LIMA1: variants seen among roughly 807,000 people sequenced by gnomAD.
The protein encoded by LIMA1 is LIM domain and actin binding 1, also known as LIM domain and actin-binding protein 1.
Under a neutral mutation model 62.6 loss-of-function variants are expected in LIMA1, and 52 were observed. The ratio of observed to expected loss-of-function variants is 0.83; its 90% CI spans 0.67 to 1.05. The LOEUF is 1.05. Among genes scored for constraint, LIMA1 ranks in the 50% least tolerant of loss-of-function variants. The pLI, the probability that LIMA1 is intolerant of heterozygous loss-of-function variation, is 0.00. For missense variants in LIMA1, 780 were observed against 902.2 expected (o/e 0.86, Z 1.74); for synonymous variants, 302 against 317.8 (o/e 0.95, Z 0.53).
rs1300849695 is a variant in LIMA1, at chr12:50,177,849, C to T, written c.1495G>A (p.Ala499Thr). 6.2e-7 allele frequency: 1 copy of T among 1,612,846 alleles called. No individual in the cohort carries two copies. The highest frequency in any genetic ancestry group is 8.5e-7 in the Non-Finnish European group (1 of 1,179,466). The change falls in exon 11 of 11, where the codon GCT becomes ACT. Residue 499 changes from alanine to threonine, a missense_variant. Physicochemically the swap from Ala to Thr is moderately conservative, Grantham distance 58 (BLOSUM62 0). Coordinates refer to ENST00000341247, the MANE Select transcript of LIMA1 (RefSeq NM_016357.5). ...HSPGVEDAPI[A>T]KVGVLAASME... is the part of the protein sequence containing the mutation. ...CTTGCAGCCAGGACACCCACCTTAG[C>T]AATAGGGGCATCTTCTACCCCTGGG...
At chr12:50,224,302 T>C (rs917787826) in intron 3 of LIMA1, 5 of 152,174 alleles carry the variant, frequency 3.3e-5, no homozygotes, top group African/African-American at 1.2e-4. Context: ...CTTCATCAAG[T>C]AGAAATAAGG....
At chr12:50,280,142 G>GTTTTTTTTT (rs1377385556) in intron 1 of LIMA1, among the ~76,000 whole-genome samples, 1 of 95,824 alleles carries the variant, frequency 1.0e-5, no homozygotes, top group Non-Finnish European at 2.2e-5. Flanking sequence ...CAGGGTAGTA[G>GTTTTTTTTT]TATTTTTTTT....
chr12:50,194,643 C>T (rs184710601), intron 8 of LIMA1, among the ~76,000 whole-genome samples: 13 of 152,082 alleles, frequency 8.5e-5, no homozygotes, highest in East Asian at 3.9e-4. Flanking sequence ...GGCTCACGCC[C>T]GTAATCTCAA....
chr12:50,267,391 T>TC (rs1942152408), intron 1 of LIMA1, among the ~76,000 whole-genome samples: 1 of 149,932 alleles, frequency 6.7e-6, no homozygotes, highest in Non-Finnish European at 1.5e-5. Context: ...AATTTTTGTA[T>TC]TTTTTTTTAG....
chr12:50,222,444 C>T lies in LIMA1; in HGVS notation c.207G>A (p.Leu69=), dbSNP rs779273152. ...NLSQHFRKGT[L]TVLKKKWENP... Reference sequence around the variant, plus strand: ...TCTCCCACTTCTTCTTTAACACAGTCAGGGTCCCCTTTCTAAAGTGCTGGG... The same window carrying T: ...TCTCCCACTTCTTCTTTAACACAGTTAGGGTCCCCTTTCTAAAGTGCTGGG... Residue 69 remains leucine (L), a synonymous_variant, in exon 4 of 11, where the codon CTG becomes CTA. Transcript: ENST00000341247. The T allele has an allele frequency of 3.1e-6, 5 of 1,614,012 alleles. No individual in the cohort carries two copies. The highest frequency in any genetic ancestry group is 4.2e-6 in the Non-Finnish European group (5 of 1,180,034).
chr12:50,246,270 G>A (rs1941848472), intron 2 of LIMA1, among the ~76,000 whole-genome samples: 1 of 151,538 alleles, frequency 6.6e-6, no homozygotes, highest in Non-Finnish European at 1.5e-5. Flanking sequence ...GGCAGCCACT[G>A]CTCAAACACA....
intron 3 of LIMA1, among the ~76,000 whole-genome samples, chr12:50,226,290 C>T (rs574403136): frequency 6.6e-6 from 1 of 152,238 alleles, no homozygotes; most frequent in African/African-American, 2.4e-5. Flanking sequence ...GATCCTCCCA[C>T]CTCGGCCTCC....
intron 4 of LIMA1, chr12:50,217,905 CTT>C (rs34408114): frequency 2.7e-3 from 335 of 124,766 alleles, no homozygotes; most frequent in South Asian, 7.7e-3. Context: ...AATTTCTTTT[CTT>C]TTTTTTTTTT....
At chr12:50,205,517 T>C (rs1255149387) in intron 5 of LIMA1, among the ~76,000 whole-genome samples, 3 of 152,146 alleles carry the variant, frequency 2.0e-5, no homozygotes. Context: ...ATATGTCCCC[T>C]TTAAAACATA....
At chr12:50,256,951 T>C (rs2138661942) in intron 1 of LIMA1, among the ~76,000 whole-genome samples, 1 of 152,346 alleles carries the variant, frequency 6.6e-6, no homozygotes, top group Admixed American at 6.5e-5. Flanking sequence ...TGATGTCTTA[T>C]TACTCACGAC....
chr12:50,257,172 C>G lies in LIMA1; in HGVS notation c.-23-8398G>C, dbSNP rs538528164. Among the ~76,000 whole-genome samples the G allele has an allele frequency of 9.2e-5, 14 of 152,252 alleles. No individual in the cohort carries two copies. In the East Asian group the frequency reaches 2.7e-3, roughly 29 times the overall value. ...TCTAATGGTGATTTTCTGTTACTGT[C>G]ATCCTTTCTACATTTATTAATTGAA... On this transcript the variant is annotated intron_variant, in intron 1 of 10. Coordinates refer to ENST00000341247, the MANE Select transcript of LIMA1 (RefSeq NM_016357.5).
At chr12:50,182,150 C>A in intron 9 of LIMA1, 113 bp from the exon 10 acceptor site, 2 of 1,156,268 alleles carry the variant, frequency 1.7e-6, no homozygotes, top group Admixed American at 2.1e-5. Flanking sequence ...TCAGTCAATT[C>A]TCATGGAGCA....
chr12:50,262,247 A>G (rs1592563625), intron 1 of LIMA1, among the ~76,000 whole-genome samples: 1 of 152,214 alleles, frequency 6.6e-6, no homozygotes, highest in African/African-American at 2.4e-5. Flanking sequence ...AGAAACCAAA[A>G]GGAAGATGAG....
chr12:50,225,522 G>GA (rs1246037728), intron 3 of LIMA1, among the ~76,000 whole-genome samples: 1 of 151,968 alleles, frequency 6.6e-6, no homozygotes, highest in Non-Finnish European at 1.5e-5. Context: ...ATGTGCTTTT[G>GA]ATATCTTTTC....
At chr12:50,240,508 T>C (rs1389501919) in intron 2 of LIMA1, among the ~76,000 whole-genome samples, 2 of 151,968 alleles carry the variant, frequency 1.3e-5, no homozygotes, top group African/African-American at 4.8e-5. Context: ...AGATTTGAGA[T>C]ATATTTCGAG....
rs181921655 is a variant in LIMA1 at position 50,215,175 on chromosome 12, T to C, written c.630+6846A>G. Among the ~76,000 whole-genome samples, 739 of 152,340 alleles carry C rather than the reference T, an allele frequency of 4.9e-3. 3 individuals are homozygous for C. The highest frequency in any genetic ancestry group is 8.3e-3 in the Non-Finnish European group (564 of 68,034). ...CTACATCAGCGCATATACACTCTTATGTACGAGTGTTATGCAAAACTAAAC... is the reference window on the plus strand; with the variant it reads ...CTACATCAGCGCATATACACTCTTACGTACGAGTGTTATGCAAAACTAAAC... On this transcript the variant is annotated intron_variant, in intron 4 of 10. Transcript: ENST00000341247.
intron 2 of LIMA1, among the ~76,000 whole-genome samples, chr12:50,239,925 T>C (rs1293487557): frequency 1.3e-5 from 2 of 151,044 alleles, no homozygotes; most frequent in Non-Finnish European, 3.0e-5. Flanking sequence ...GCCCAGGAAT[T>C]TGAGGATGCA....
At chr12:50,185,342 G>A (rs1940606802) in intron 9 of LIMA1, 2 of 455,926 alleles carry the variant, frequency 4.4e-6, no homozygotes, top group African/African-American at 2.0e-5. Flanking sequence ...GCAGCCCAGG[G>A]AACAGAAGGA....
Position 50,269,918 on chromosome 12 carries a change from CAAATAAAA to C in LIMA1, c.-24+13494_-24+13501del, listed in dbSNP as rs1213337259. Reference sequence around the variant, plus strand: ...CTGGGCAACAAGAGCAAAACTCCGTCAAATAAAAAAAAAAAAAAAAAAAAAATTTAAAA... The same window carrying C: ...CTGGGCAACAAGAGCAAAACTCCGTCAAAAAAAAAAAAAAAAAATTTAAAA... On this transcript the variant is annotated intron_variant, in intron 1 of 10. Transcript: ENST00000341247. 3.1e-4 allele frequency among the ~76,000 whole-genome samples: 27 copies of C among 88,140 alleles called. No homozygotes were observed. In the Middle Eastern group the frequency reaches 0.031, roughly 101 times the overall value. The allele number at this position is 88,140 out of a possible 152,430, so 57.8% of individuals were successfully genotyped here. A position where few individuals can be genotyped will look rare whatever the true frequency, so the allele number is the denominator to read the frequency against.
Sources: gnomAD v4.1 joint callset for allele counts (sites outside exome capture counted in the v4.1 genomes callset) on GRCh38, gnomAD v4.1.1 for gene constraint, MANE v1.5 for transcripts, NCBI Gene and HGNC (gene_info 2026-07-23, HGNC 2026-07-21) for gene names.